BRINP3: variants seen among roughly 807,000 people sequenced by gnomAD.
BRINP3 encodes BMP/retinoic acid-inducible neural-specific protein 3.
In BRINP3, 19 loss-of-function variants were observed where a neutral mutation model predicts 71.0. That is an observed-to-expected ratio of 0.27 (90% CI 0.19 to 0.39). The LOEUF (loss-of-function observed/expected upper bound fraction) is 0.39, where lower values mean the gene tolerates loss of function less well. BRINP3 is among the 10% of genes least tolerant of loss of function. The probability of loss-of-function intolerance (pLI) is 1.00; values close to 1 mark genes in which losing one functional copy is unlikely to be tolerated. For missense variants in BRINP3, 959 were observed against 940.8 expected, an observed-to-expected ratio of 1.02 and a Z score of -0.25; for synonymous variants, 380 against 337.7, an observed-to-expected ratio of 1.13 and a Z score of -1.37.
chr1:190,296,381 T>C (rs1664256506), intron 2 of BRINP3, among the ~76,000 whole-genome samples: 1 of 152,016 alleles, frequency 6.6e-6, no homozygotes, highest in South Asian at 2.1e-4. Context: ...TCTTTTATGA[T>C]AAAAACTCTC....
intron 2 of BRINP3, among the ~76,000 whole-genome samples, chr1:190,346,667 T>G (rs1668042454): frequency 6.6e-6 from 1 of 152,118 alleles, no homozygotes; most frequent in Admixed American, 6.6e-5. Flanking sequence ...AATATGCATT[T>G]ATATTTTTCA....
chr1:190,412,836 T>C (rs930584876), intron 2 of BRINP3, among the ~76,000 whole-genome samples: 1 of 151,784 alleles, frequency 6.6e-6, no homozygotes, highest in Non-Finnish European at 1.5e-5. Flanking sequence ...TGGTAAAAAA[T>C]GCATAATGTG....
intron 6 of BRINP3, among the ~76,000 whole-genome samples, chr1:190,179,312 T>A (rs1652827633): frequency 6.6e-6 from 1 of 152,170 alleles, no homozygotes; most frequent in Admixed American, 6.5e-5. Context: ...ACAGAAGCAA[T>A]GACAGCTTGG....
At chr1:190,327,361 A>AAAAG (rs1196542212) in intron 2 of BRINP3, among the ~76,000 whole-genome samples, 2 of 144,144 alleles carry the variant, frequency 1.4e-5, no homozygotes, top group Non-Finnish European at 3.0e-5. Context: ...GGAAAAAAAA[A>AAAAG]AAAGAAAGAA....
chr1:190,195,578 C>T (rs1283895142), intron 6 of BRINP3, among the ~76,000 whole-genome samples: 1 of 151,866 alleles, frequency 6.6e-6, no homozygotes, highest in Non-Finnish European at 1.5e-5. Flanking sequence ...TCAAATTTTC[C>T]TATGTATTAT....
intron 2 of BRINP3, among the ~76,000 whole-genome samples, chr1:190,401,477 G>GT (rs1008864818): frequency 1.3e-4 from 20 of 150,506 alleles, no homozygotes; most frequent in African/African-American, 4.4e-4. Context: ...TGTTTAATAT[G>GT]TTTTTTTGTT....
intron 4 of BRINP3, among the ~76,000 whole-genome samples, chr1:190,244,455 C>T (rs1028948541): frequency 2.0e-5 from 3 of 152,078 alleles, no homozygotes; most frequent in Non-Finnish European, 4.4e-5. Context: ...GATACAAAAA[C>T]TTAGAAATTG....
At chr1:190,258,815 T>C (rs1024114630) in intron 4 of BRINP3, among the ~76,000 whole-genome samples, 1 of 152,090 alleles carries the variant, frequency 6.6e-6, no homozygotes, top group Non-Finnish European at 1.5e-5. Context: ...CAGTGATAAA[T>C]GTTTGGAGGA....
At chr1:190,296,469 T>C (rs1267106598) in intron 2 of BRINP3, among the ~76,000 whole-genome samples, 1 of 152,018 alleles carries the variant, frequency 6.6e-6, no homozygotes, top group African/African-American at 2.4e-5. Flanking sequence ...ACATACTCAA[T>C]GGTGAAAAAT....
At chr1:190,314,021 G>A (rs1164691628) in intron 2 of BRINP3, among the ~76,000 whole-genome samples, 1 of 151,892 alleles carries the variant, frequency 6.6e-6, no homozygotes, top group African/African-American at 2.4e-5. Flanking sequence ...GAGTCACCCA[G>A]CACACTTAAG....
intron 2 of BRINP3, among the ~76,000 whole-genome samples, chr1:190,368,376 C>G (rs954430822): frequency 4.6e-5 from 7 of 152,052 alleles, no homozygotes; most frequent in Admixed American, 2.6e-4. Flanking sequence ...CCCGCTGGGT[C>G]TCTCCTGCGG....
At chr1:190,223,140 A>G (rs533574171) in intron 6 of BRINP3, among the ~76,000 whole-genome samples, 35 of 152,108 alleles carry the variant, frequency 2.3e-4, no homozygotes, top group Non-Finnish European at 3.2e-4. Context: ...AAAAATTTGG[A>G]AGGAAGGTAA....
intron 2 of BRINP3, among the ~76,000 whole-genome samples, chr1:190,428,445 G>A (rs907123922): frequency 1.3e-5 from 2 of 151,288 alleles, no homozygotes; most frequent in African/African-American, 2.4e-5. Context: ...AAAAAAACTC[G>A]TATTTTTTTC....
chr1:190,383,661 A>C (rs1234568353), intron 2 of BRINP3, among the ~76,000 whole-genome samples: 1 of 152,018 alleles, frequency 6.6e-6, no homozygotes, highest in East Asian at 1.9e-4. Context: ...AATCCATTTT[A>C]CCTGGTAAAG....
intron 2 of BRINP3, among the ~76,000 whole-genome samples, chr1:190,447,589 T>A (rs1052625348): frequency 4.1e-5 from 6 of 147,822 alleles, no homozygotes; most frequent in Non-Finnish European, 7.5e-5. Context: ...TTGCAGTCTC[T>A]CTTTCTCCCT....
rs75071800 is a variant in BRINP3, at chr1:190,117,577, G to A, written c.1185-18443C>T. On this transcript the variant is annotated intron_variant, in intron 7 of 7. Transcript: ENST00000367462. ...AGCAGGTGTTTTAGAATGTTTTAAA[G>A]CATCTCCCAGATCTCAAGTAATTTC... 5.1e-4 allele frequency among the ~76,000 whole-genome samples: 78 copies of A among 152,000 alleles called. No individual in the cohort carries two copies. In the East Asian group the frequency reaches 0.015, roughly 29 times the overall value.
intron 6 of BRINP3, among the ~76,000 whole-genome samples, chr1:190,161,736 A>C (rs562922424): frequency 6.6e-6 from 1 of 152,276 alleles, no homozygotes; most frequent in South Asian, 2.1e-4. Flanking sequence ...AAACAACTAG[A>C]CGGTTAATCA....
At chr1:190,360,856 A>G (rs1669096982) in intron 2 of BRINP3, among the ~76,000 whole-genome samples, 1 of 152,166 alleles carries the variant, frequency 6.6e-6, no homozygotes, top group Non-Finnish European at 1.5e-5. Flanking sequence ...TACAAGGAAG[A>G]AAACAAATCA....
At chr1:190,253,481 A>G (rs1660342756) in intron 4 of BRINP3, among the ~76,000 whole-genome samples, 1 of 152,174 alleles carries the variant, frequency 6.6e-6, no homozygotes, top group African/African-American at 2.4e-5. Context: ...CTGGTATGAA[A>G]TGGTATCTCA....
Sources: gnomAD v4.1 joint callset for allele counts (sites outside exome capture counted in the v4.1 genomes callset) on GRCh38, gnomAD v4.1.1 for gene constraint, MANE v1.5 for transcripts, NCBI Gene and HGNC (gene_info 2026-07-23, HGNC 2026-07-21) for gene names.